The following DIP2C variants were observed in gnomAD, a reference collection of about 807,000 sequenced individuals.
The protein encoded by DIP2C is disco-interacting protein 2 homolog C.
DIP2C carries 33 observed loss-of-function variants against 192.4 expected under a neutral mutation model. The observed-to-expected ratio is 0.17, with a 90% CI of 0.13 to 0.23. DIP2C has a LOEUF of 0.23. Ranked by LOEUF, DIP2C falls within the 10% of genes least tolerant of loss-of-function variation. The probability of loss-of-function intolerance (pLI) is 1.00; values close to 1 mark genes in which losing one functional copy is unlikely to be tolerated. For synonymous variants in DIP2C, 979 were observed against 864.1 expected, an observed-to-expected ratio of 1.13 and a Z score of -2.33; for missense variants, 1,537 against 2,110.1, an observed-to-expected ratio of 0.73 and a Z score of 5.32.
At chr10:601,500 C>T (rs1223576975) in intron 1 of DIP2C, among the ~76,000 whole-genome samples, 2 of 152,230 alleles carry the variant, frequency 1.3e-5, no homozygotes, top group Non-Finnish European at 2.9e-5. Context: ...TCAATTCTAC[C>T]TGAAGCTGGG....
chr10:453,441 T>C (rs2133342402), intron 3 of DIP2C, among the ~76,000 whole-genome samples: 1 of 152,308 alleles, frequency 6.6e-6, no homozygotes, highest in African/African-American at 2.4e-5. Flanking sequence ...CTCCAGCAAA[T>C]GCCTGAAATA....
intron 1 of DIP2C, among the ~76,000 whole-genome samples, chr10:551,436 G>A (rs899964412): frequency 2.6e-5 from 4 of 152,190 alleles, no homozygotes; most frequent in East Asian, 1.9e-4. Flanking sequence ...GTCTGCACTC[G>A]GCTTCTCCTG....
At chr10:585,375 A>C (rs1209872607) in intron 1 of DIP2C, among the ~76,000 whole-genome samples, 2 of 152,224 alleles carry the variant, frequency 1.3e-5, no homozygotes, top group Non-Finnish European at 2.9e-5. Flanking sequence ...GGGTGTTCCC[A>C]AACACACACA....
Position 436,604 on chromosome 10 carries a change from GCT to G in DIP2C, c.394+4265_394+4266del, listed in dbSNP as rs138634059. ...GGTGATATGCTCCACCCACACCTGA[GCT>G]CTCTCTCAGCTCCACCTCCTGGACG... On this transcript the variant is annotated intron_variant, in intron 4 of 36. Coordinates refer to ENST00000280886, the MANE Select transcript of DIP2C (RefSeq NM_014974.3). 2.6e-3 allele frequency among the ~76,000 whole-genome samples: 389 copies of G among 148,768 alleles called. 2 individuals carry two copies. The highest frequency in any genetic ancestry group is 8.8e-3 in the African/African-American group (353 of 40,008).
intron 4 of DIP2C, among the ~76,000 whole-genome samples, chr10:433,638 G>C (rs1009574053): frequency 6.6e-6 from 1 of 152,146 alleles, no homozygotes; most frequent in Non-Finnish European, 1.5e-5. Flanking sequence ...ATAAGATCGG[G>C]CTATTGCACT....
At chr10:640,807 T>A (rs954031109) in intron 1 of DIP2C, among the ~76,000 whole-genome samples, 2 of 151,322 alleles carry the variant, frequency 1.3e-5, no homozygotes, top group Admixed American at 1.3e-4. Flanking sequence ...TCCGAGAACC[T>A]GGGGGCAGCA....
At chr10:669,016 T>G (rs1331683880) in intron 1 of DIP2C, 1 of 152,094 alleles carries the variant, frequency 6.6e-6, no homozygotes, top group Non-Finnish European at 1.5e-5. Context: ...GAGCTCTGCT[T>G]CAATTACTTT....
rs150200315 is a variant in DIP2C, at chr10:590,546, C to T, written c.85+98948G>A. On this transcript the variant is annotated intron_variant, in intron 1 of 36. Coordinates refer to ENST00000280886, the MANE Select transcript of DIP2C (RefSeq NM_014974.3). The stretch of plus-strand genomic sequence containing the variant: ...AGGTGTTTCATCAACGATGCAGGTG[C>T]CAGCTTTGACTCATTCACATTTCGA... Among the ~76,000 whole-genome samples, 35 of 152,324 alleles carry T rather than the reference C, an allele frequency of 2.3e-4. 1 individual carries two copies. The East Asian group carries it at 5.8e-3, about 25-fold the overall frequency.
At chr10:670,077 CACACACACATGCAT>C (rs1649933347) in intron 1 of DIP2C, among the ~76,000 whole-genome samples, 1 of 152,132 alleles carries the variant, frequency 6.6e-6, no homozygotes, top group Non-Finnish European at 1.5e-5. Context: ...CATATCTGTG[CACACACACATGCAT>C]ACACACACAT....
rs1339263185 is a variant in DIP2C at position 366,468 on chromosome 10, A to G, written c.2132-57T>C. The G allele has an allele frequency of 1.2e-5, 19 of 1,610,022 alleles. No individual in the cohort carries two copies. In the Admixed American group the frequency reaches 2.0e-4, roughly 17 times the overall value. ...GAGAGGGGGCAGGTGGGGAGAATAAAGGAAACAGGGAAGACGCGAATATGA... is the reference window on the plus strand; with the variant it reads ...GAGAGGGGGCAGGTGGGGAGAATAAGGGAAACAGGGAAGACGCGAATATGA... On this transcript the variant is annotated intron_variant, in intron 18 of 36. Coordinates refer to ENST00000280886, the MANE Select transcript of DIP2C (RefSeq NM_014974.3).
chr10:345,630 C>G (rs1447398834), intron 26 of DIP2C, among the ~76,000 whole-genome samples: 1 of 122,932 alleles, frequency 8.1e-6, no homozygotes, highest in Non-Finnish European at 1.6e-5. Flanking sequence ...CCAGACACAT[C>G]GCGCATAGTT....
chr10:586,130 C>T (rs912176165), intron 1 of DIP2C, among the ~76,000 whole-genome samples: 1 of 152,266 alleles, frequency 6.6e-6, no homozygotes, highest in Non-Finnish European at 1.5e-5. Context: ...CCCTCAACCA[C>T]GTCTTCATTC....
chr10:643,833 A>G (rs1233659483), intron 1 of DIP2C, among the ~76,000 whole-genome samples: 1 of 152,234 alleles, frequency 6.6e-6, no homozygotes, highest in Non-Finnish European at 1.5e-5. Context: ...CTGTTCACAA[A>G]TGTTCCACCT....
At chr10:372,096 GAC>G (rs1961034109) in intron 17 of DIP2C, among the ~76,000 whole-genome samples, 2 of 130,656 alleles carry the variant, frequency 1.5e-5, no homozygotes, top group South Asian at 2.5e-4. Context: ...TTTTTTTTGA[GAC>G]ACAGTTTCAC....
At chr10:474,050 G>A (rs963815771) in intron 2 of DIP2C, among the ~76,000 whole-genome samples, 1 of 152,170 alleles carries the variant, frequency 6.6e-6, no homozygotes, top group Non-Finnish European at 1.5e-5. Context: ...ACTGTCTGCT[G>A]CTCCAACCTC....
At chr10:663,117 T>C in intron 1 of DIP2C, 1 of 533,544 alleles carries the variant, frequency 1.9e-6, no homozygotes, top group Non-Finnish European at 3.4e-6. Context: ...GAGGGGGAGA[T>C]CCCTGGGGCA....
chr10:418,243 C>T (rs1268981434), intron 6 of DIP2C, among the ~76,000 whole-genome samples: 1 of 133,416 alleles, frequency 7.5e-6, no homozygotes, highest in Non-Finnish European at 1.6e-5. Context: ...TTCGATAGGC[C>T]TCCCTGTTCA....
intron 1 of DIP2C, among the ~76,000 whole-genome samples, chr10:660,424 G>C (rs935223261): frequency 1.3e-5 from 2 of 151,206 alleles, no homozygotes; most frequent in Non-Finnish European, 2.9e-5. Context: ...CTCTGTGTAT[G>C]AAATGGAGAT....
intron 22 of DIP2C, among the ~76,000 whole-genome samples, chr10:361,349 T>C (rs1488100229): frequency 6.6e-6 from 1 of 152,118 alleles, no homozygotes; most frequent in Non-Finnish European, 1.5e-5. Context: ...GCTGGCTCTG[T>C]CTCCCCACTG....
Sources: allele counts gnomAD v4.1 joint callset (sites outside exome capture counted in the v4.1 genomes callset), GRCh38; gene constraint gnomAD v4.1.1; transcripts MANE v1.5; gene names NCBI Gene and HGNC (gene_info 2026-07-23, HGNC 2026-07-21).